Variants in CAPN8 observed in about 807,000 individuals in gnomAD.
The protein encoded by CAPN8 is calpain 8.
Under a neutral mutation model 80.9 loss-of-function variants are expected in CAPN8, and 87 were observed. That is an observed-to-expected ratio of 1.07 (90% CI 0.90 to 1.28). The LOEUF (loss-of-function observed/expected upper bound fraction) is 1.28. Ranked by LOEUF, CAPN8 falls within the 50% of genes most tolerant of loss-of-function variation. CAPN8 has a pLI of 0.00. For synonymous variants in CAPN8, 299 were observed against 273.8 expected, an observed-to-expected ratio of 1.09 and a Z score of -0.91; for missense variants, 757 against 702.0, an observed-to-expected ratio of 1.08 and a Z score of -0.89.
Position 223,611,280 on chromosome 1 carries a change from G to A in CAPN8, c.1323+966C>T, listed in dbSNP as rs140269944. Among the ~76,000 whole-genome samples, 971 of 152,322 alleles carry A rather than the reference G, an allele frequency of 6.4e-3. 14 individuals carry two copies. The highest frequency in any genetic ancestry group is 0.021 in the African/African-American group (860 of 41,570). On this transcript the variant is annotated intron_variant, in intron 11 of 20. Transcript: ENST00000366872. ...GGAGCACTAGCTGAAACAGGGAAGA[G>A]GTGAAAGCACCTCTCCATGAGACAT...
At chr1:223,618,817 C>A (rs1365085233) in intron 9 of CAPN8, among the ~76,000 whole-genome samples, 40 of 152,352 alleles carry the variant, frequency 2.6e-4, no homozygotes, top group Non-Finnish European at 2.9e-5. Context: ...CAACCCTGGC[C>A]TCCAAGCCCT....
Position 223,620,270 on chromosome 1 carries a change from A to C in CAPN8, c.900-4T>G. The C allele has an allele frequency of 6.4e-7, 1 of 1,551,466 alleles. No individual in the cohort carries two copies. The highest frequency in any genetic ancestry group is 8.7e-7 in the Non-Finnish European group (1 of 1,146,852). ...TATGTGATTCCACTCTGGTGCACTGAGGGGAAAACAAGCAGAGATGCTCGC... is the reference window on the plus strand; with the variant it reads ...TATGTGATTCCACTCTGGTGCACTGCGGGGAAAACAAGCAGAGATGCTCGC... On this transcript the variant is annotated splice_region_variant and splice_polypyrimidine_tract_variant and intron_variant, in intron 7 of 20. Transcript: ENST00000366872.
At chr1:223,612,404 G>A in intron 10 of CAPN8, 147 bp from the exon 11 acceptor site, 1 of 613,254 alleles carries the variant, frequency 1.6e-6, no homozygotes, top group Non-Finnish European at 2.3e-6. Flanking sequence ...AAGCCAGTCA[G>A]CATTTCTGAA....
At chr1:223,649,153 G>C (rs549761919) in intron 2 of CAPN8, among the ~76,000 whole-genome samples, 1 of 152,208 alleles carries the variant, frequency 6.6e-6, no homozygotes, top group Non-Finnish European at 1.5e-5. Context: ...CAGAGACCAA[G>C]GTCTACTTTT....
chr1:223,618,076 A>G, intron 9 of CAPN8: 1 of 686,272 alleles, frequency 1.5e-6, no homozygotes, highest in South Asian at 1.9e-5. Context: ...CTGTCATGAG[A>G]AGAAAGTGAC....
chr1:223,620,481 G>A (rs1165615323), intron 7 of CAPN8, among the ~76,000 whole-genome samples: 3 of 152,136 alleles, frequency 2.0e-5, no homozygotes, highest in Admixed American at 2.0e-4. Context: ...CTAGCACGAT[G>A]GCCTTGGACA....
Position 223,545,269 on chromosome 1 carries a change from C to T in CAPN8, c.1795G>A (p.Glu599Lys). 6.4e-7 allele frequency: 1 copy of T among 1,551,628 alleles called. No homozygotes were observed. The highest frequency in any genetic ancestry group is 1.2e-5 in the South Asian group (1 of 84,050). ...SNGTGTLGAV[E>K]FKTLWLKIQK... is the part of the protein sequence containing the mutation. ...ATCTTCAGCCAGAGCGTCTTGAATT[C>T]CACCGCCCCCAAAGTGCCCGTTCCA... is the stretch of plus-strand genomic sequence containing the variant. Residue 599 changes from glutamate (E) to lysine (K), a missense_variant, in exon 17 of 21, where the codon GAA becomes AAA. Transcript: ENST00000366872.
At chr1:223,658,583 A>G (rs920229981) in intron 1 of CAPN8, among the ~76,000 whole-genome samples, 1 of 152,088 alleles carries the variant, frequency 6.6e-6, no homozygotes, top group Admixed American at 6.5e-5. Flanking sequence ...TGGGCTGATC[A>G]CTTGAGGTCA....
intron 14 of CAPN8, among the ~76,000 whole-genome samples, chr1:223,551,834 G>C (rs1656793557): frequency 6.6e-6 from 1 of 152,190 alleles, no homozygotes; most frequent in South Asian, 2.1e-4. Context: ...AGCTAGACTT[G>C]GAAACCTAAG....
At chr1:223,644,094 C>T (rs971929272) in intron 2 of CAPN8, 15 of 281,692 alleles carry the variant, frequency 5.3e-5, no homozygotes, top group Admixed American at 1.6e-4. Context: ...CAATTTCTCA[C>T]TTCATTGATC....
intron 9 of CAPN8, chr1:223,618,087 T>C: frequency 1.4e-6 from 1 of 731,654 alleles, no homozygotes; most frequent in Non-Finnish European, 2.3e-6. Flanking sequence ...AGAAAGTGAC[T>C]GGCCCTGCCC....
chr1:223,620,294 G>A (rs1238828572), intron 7 of CAPN8, 28 bp from the exon 8 acceptor site: 8 of 1,542,516 alleles, frequency 5.2e-6, no homozygotes, highest in Middle Eastern at 1.7e-4. Flanking sequence ...AGAGATGCTC[G>A]CTCCTGAGAG....
intron 2 of CAPN8, among the ~76,000 whole-genome samples, chr1:223,646,491 C>T (rs753595446): frequency 5.3e-5 from 8 of 152,216 alleles, no homozygotes; most frequent in Non-Finnish European, 8.8e-5. Context: ...CCTGCTTCTG[C>T]GCCAGCCTGC....
chr1:223,624,542 A>G (rs76773603), intron 6 of CAPN8, among the ~76,000 whole-genome samples: 84,412 of 151,242 alleles, frequency 0.56, 24,801 homozygotes, highest in African/African-American at 0.73. Context: ...CTGTCTCTAC[A>G]AAAATTTTTA....
intron 1 of CAPN8, among the ~76,000 whole-genome samples, chr1:223,659,527 C>T (rs1658587846): frequency 6.6e-6 from 1 of 152,162 alleles, no homozygotes; most frequent in South Asian, 2.1e-4. Flanking sequence ...TCTGCCCACA[C>T]CTGCGCCTTC....
chr1:223,632,213 G>A (rs1308887375), intron 2 of CAPN8, among the ~76,000 whole-genome samples: 1 of 152,168 alleles, frequency 6.6e-6, no homozygotes, highest in Non-Finnish European at 1.5e-5. Flanking sequence ...AAGTGTGAAT[G>A]GATTGTCATG....
rs189103255 is a variant in CAPN8 at position 223,656,585 on chromosome 1, C to T, written c.238-2186G>A. Among the ~76,000 whole-genome samples the T allele has an allele frequency of 3.3e-5, 5 of 152,016 alleles. No individual in the cohort carries two copies. In the East Asian group the frequency reaches 5.8e-4, roughly 18 times the overall value. On this transcript the variant is annotated intron_variant, in intron 1 of 20. Coordinates refer to ENST00000366872, the MANE Select transcript of CAPN8 (RefSeq NM_001143962.2). ...ACAAAATCCCTTCCGCCTCAGAGTC[C>T]GCACTGGTAGCATTTCTTAAGTGTC... is the stretch of plus-strand genomic sequence containing the variant.
At chr1:223,619,143 G>A in intron 9 of CAPN8, 150 bp downstream of exon 9, 1 of 890,972 alleles carries the variant, frequency 1.1e-6, no homozygotes. Flanking sequence ...GTGATGAGCA[G>A]AGATCGTGCC....
At chr1:223,626,708 A>G (rs1220354095) in intron 5 of CAPN8, among the ~76,000 whole-genome samples, 9 of 152,172 alleles carry the variant, frequency 5.9e-5, no homozygotes, top group Non-Finnish European at 1.3e-4. Flanking sequence ...ATCCTAGACT[A>G]TGTTCTTAGG....
Sources: allele counts gnomAD v4.1 joint callset (sites outside exome capture counted in the v4.1 genomes callset), GRCh38; gene constraint gnomAD v4.1.1; transcripts MANE v1.5; gene names NCBI Gene and HGNC (gene_info 2026-07-23, HGNC 2026-07-21).